Variants in RARB observed in about 807,000 individuals in gnomAD.
The protein encoded by RARB is HBV-activated protein.
A neutral mutation model predicts 51.9 loss-of-function variants in RARB; 17 were observed. The ratio of observed to expected loss-of-function variants is 0.33; its 90% CI spans 0.22 to 0.49. The LOEUF (loss-of-function observed/expected upper bound fraction) is 0.49, where lower values mean the gene tolerates loss of function less well. Ranked by LOEUF, RARB falls within the 20% of genes least tolerant of loss-of-function variation. RARB has a pLI of 0.99. For missense variants in RARB, 369 were observed against 550.8 expected (o/e 0.67, Z 3.30); for synonymous variants, 215 against 195.4 (o/e 1.10, Z -0.84).
At chr3:24,971,098 A>G (rs574582967) in intron 2 of RARB, among the ~76,000 whole-genome samples, 22 of 152,058 alleles carry the variant, frequency 1.4e-4, no homozygotes, top group African/African-American at 5.3e-4. Context: ...GGCAAAAATA[A>G]TCAGATCCTA....
chr3:24,904,020 G>C (rs1035100878), intron 2 of RARB, among the ~76,000 whole-genome samples: 3 of 152,150 alleles, frequency 2.0e-5, no homozygotes, highest in Non-Finnish European at 4.4e-5. Flanking sequence ...CCTGTGTCTT[G>C]TGGAATGAGT....
At chr3:25,493,428 C>T (rs1296051947) in intron 2 of RARB, among the ~76,000 whole-genome samples, 1 of 152,198 alleles carries the variant, frequency 6.6e-6, no homozygotes, top group Non-Finnish European at 1.5e-5. Flanking sequence ...TCCACACTCA[C>T]CTCCTACTGG....
chr3:24,925,118 A>G (rs1695290158), intron 2 of RARB, among the ~76,000 whole-genome samples: 1 of 152,088 alleles, frequency 6.6e-6, no homozygotes, highest in African/African-American at 2.4e-5. Flanking sequence ...TGCATTAACC[A>G]GTGAAATGAA....
intron 5 of RARB, among the ~76,000 whole-genome samples, chr3:25,216,906 C>T (rs1693802607): frequency 6.6e-6 from 1 of 151,866 alleles, no homozygotes; most frequent in Admixed American, 6.6e-5. Flanking sequence ...GATTTCATTC[C>T]CACACTGTAG....
chr3:24,863,354 T>G (rs1010459787), intron 2 of RARB, among the ~76,000 whole-genome samples: 1 of 152,202 alleles, frequency 6.6e-6, no homozygotes, highest in African/African-American at 2.4e-5. Flanking sequence ...ATTCCCTGTC[T>G]ATAAAACGCT....
intron 5 of RARB, among the ~76,000 whole-genome samples, chr3:25,264,193 C>A (rs973787482): frequency 2.6e-5 from 4 of 151,748 alleles, no homozygotes; most frequent in Non-Finnish European, 4.4e-5. Flanking sequence ...TCACTGAATT[C>A]AAAGCTCTTG....
intron 5 of RARB, among the ~76,000 whole-genome samples, chr3:25,582,544 T>G (rs560937417): frequency 2.3e-4 from 35 of 152,176 alleles, no homozygotes; most frequent in Non-Finnish European, 4.7e-4. Flanking sequence ...CCCCAACATA[T>G]GGAGTGAGAG....
chr3:25,195,345 T>A lies in RARB; in HGVS notation c.178+20770T>A, dbSNP rs879341489. 5.7e-4 allele frequency among the ~76,000 whole-genome samples: 87 copies of A among 152,052 alleles called. 1 individual carries two copies. Among genetic ancestry groups the A allele is most frequent in the Admixed American group, 5.5e-3 (84 of 15,230 alleles). ...TGACAACAGTTTGCAGAAAGTTTCGTATAGTTATTCATGGGCTAAGAGAAT... is the reference window on the plus strand; with the variant it reads ...TGACAACAGTTTGCAGAAAGTTTCGAATAGTTATTCATGGGCTAAGAGAAT... On this transcript the variant is annotated intron_variant, in intron 5 of 11. Transcript: ENST00000383772.
chr3:25,191,383 TGTG>T (rs778057087), intron 5 of RARB, among the ~76,000 whole-genome samples: 6 of 152,070 alleles, frequency 3.9e-5, no homozygotes, highest in Non-Finnish European at 7.4e-5. Flanking sequence ...CACCTTATAA[TGTG>T]GTCATTGGTT....
At chr3:24,875,349 T>C (rs1703022608) in intron 2 of RARB, among the ~76,000 whole-genome samples, 1 of 152,172 alleles carries the variant, frequency 6.6e-6, no homozygotes, top group Non-Finnish European at 1.5e-5. Context: ...ATGTGGTCTG[T>C]ACAGTAATTT....
Position 25,181,350 on chromosome 3 carries a change from A to G in RARB, c.178+6775A>G, listed in dbSNP as rs1307526520. Among the ~76,000 whole-genome samples the G allele has an allele frequency of 3.3e-5, 5 of 152,180 alleles. No individual in the cohort carries two copies. In the East Asian group the frequency reaches 9.6e-4, roughly 29 times the overall value. ...TTCTGCTGTCTTTAGTTGTTTTCAT[A>G]ACTTTTCCTTCACTGCTTATCTGGT... On this transcript the variant is annotated intron_variant, in intron 5 of 11. Transcript: ENST00000383772.
At chr3:25,258,964 C>A in intron 5 of RARB, 1 of 911,776 alleles carries the variant, frequency 1.1e-6, no homozygotes, top group Non-Finnish European at 1.3e-6. Flanking sequence ...ACACTGGGGA[C>A]CAAACCTCAG....
At chr3:25,345,043 G>C (rs139299821) in intron 5 of RARB, among the ~76,000 whole-genome samples, 1 of 152,168 alleles carries the variant, frequency 6.6e-6, no homozygotes, top group Non-Finnish European at 1.5e-5. Context: ...GTCTTAAAAT[G>C]AGAGAGCAGA....
intron 1 of RARB, among the ~76,000 whole-genome samples, chr3:24,857,868 G>A (rs897972769): frequency 6.6e-6 from 1 of 152,204 alleles, no homozygotes; most frequent in African/African-American, 2.4e-5. Flanking sequence ...TGAAGTCACA[G>A]TGAGCTGTTA....
chr3:25,078,777 C>T (rs539297171), intron 3 of RARB, among the ~76,000 whole-genome samples: 2 of 152,224 alleles, frequency 1.3e-5, no homozygotes, highest in South Asian at 2.1e-4. Flanking sequence ...GTGATCTGTC[C>T]GTCTTGGCCT....
At chr3:25,220,825 CACTT>C (rs1168491791) in intron 5 of RARB, among the ~76,000 whole-genome samples, 2 of 152,104 alleles carry the variant, frequency 1.3e-5, no homozygotes, top group African/African-American at 2.4e-5. Context: ...CTAAGTCAGC[CACTT>C]ACTTCTTATG....
At chr3:25,086,276 A>G (rs1024313931) in intron 3 of RARB, among the ~76,000 whole-genome samples, 2 of 152,158 alleles carry the variant, frequency 1.3e-5, no homozygotes, top group Non-Finnish European at 2.9e-5. Context: ...AGGAAAGAAC[A>G]ATTTTGTTAA....
chr3:25,120,287 A>G (rs1699761860), intron 3 of RARB, among the ~76,000 whole-genome samples: 1 of 152,126 alleles, frequency 6.6e-6, no homozygotes, highest in South Asian at 2.1e-4. Context: ...CGACTGTAAA[A>G]AACTGGAGAT....
intron 5 of RARB, among the ~76,000 whole-genome samples, chr3:25,331,762 A>G (rs1704904093): frequency 6.6e-6 from 1 of 152,160 alleles, no homozygotes; most frequent in Non-Finnish European, 1.5e-5. Flanking sequence ...GATCAACAAA[A>G]CTGATAGACC....
Sources: gnomAD v4.1 joint callset for allele counts (sites outside exome capture counted in the v4.1 genomes callset) on GRCh38, gnomAD v4.1.1 for gene constraint, MANE v1.5 for transcripts, NCBI Gene and HGNC (gene_info 2026-07-23, HGNC 2026-07-21) for gene names.